Variants in FILIP1L observed in about 807,000 individuals in gnomAD.
FILIP1L encodes the protein filamin A interacting protein 1 like.
Under a neutral mutation model 96.6 loss-of-function variants are expected in FILIP1L, and 55 were observed. The observed-to-expected ratio is 0.57, with a 90% confidence interval of 0.46 to 0.71. The LOEUF (loss-of-function observed/expected upper bound fraction) is 0.71. FILIP1L is among the 30% of genes least tolerant of loss of function. The pLI, the probability that FILIP1L is intolerant of heterozygous loss-of-function variation, is 0.00. For missense variants in FILIP1L, 1,304 were observed against 1,321.2 expected, an observed-to-expected ratio of 0.99 and a Z score of 0.20; for synonymous variants, 467 against 473.9, an observed-to-expected ratio of 0.99 and a Z score of 0.19.
chr3:99,959,046 G>A (rs1247738791), intron 1 of FILIP1L, among the ~76,000 whole-genome samples: 1 of 152,064 alleles, frequency 6.6e-6, no homozygotes, highest in Non-Finnish European at 1.5e-5. Flanking sequence ...ATTGAAATAG[G>A]TTATAAATGT....
At chr3:99,879,600 T>C (rs563970908) in intron 4 of FILIP1L, among the ~76,000 whole-genome samples, 25 of 152,328 alleles carry the variant, frequency 1.6e-4, no homozygotes, top group Admixed American at 3.9e-4. Context: ...AAAGAAGCAG[T>C]AATTAATAGG....
chr3:99,999,417 G>A (rs192005098), intron 1 of FILIP1L, among the ~76,000 whole-genome samples: 1 of 152,162 alleles, frequency 6.6e-6, no homozygotes, highest in South Asian at 2.1e-4. Flanking sequence ...TGGATGGATG[G>A]GTGGGTGAGT....
chr3:100,074,056 G>A (rs559554945), intron 1 of FILIP1L, among the ~76,000 whole-genome samples: 1 of 152,214 alleles, frequency 6.6e-6, no homozygotes, highest in South Asian at 2.1e-4. Context: ...GAAAAGGTTT[G>A]TGGGGGCCTT....
chr3:99,969,538 A>G (rs1220383132), intron 1 of FILIP1L, among the ~76,000 whole-genome samples: 2 of 152,208 alleles, frequency 1.3e-5, no homozygotes, highest in Admixed American at 6.5e-5. Flanking sequence ...TAGTGAAAGA[A>G]TGGTTGAAGT....
intron 1 of FILIP1L, among the ~76,000 whole-genome samples, chr3:100,030,781 C>G (rs923786853): frequency 6.6e-6 from 1 of 152,076 alleles, no homozygotes; most frequent in Non-Finnish European, 1.5e-5. Flanking sequence ...ATCCGTTTTC[C>G]CTCCCTGTAG....
chr3:100,045,167 G>C (rs1412764286), intron 1 of FILIP1L, among the ~76,000 whole-genome samples: 2 of 152,224 alleles, frequency 1.3e-5, no homozygotes, highest in African/African-American at 4.8e-5. Flanking sequence ...TATATTTAAA[G>C]CTGCGAATAT....
At chr3:99,879,584 A>C (rs1186199527) in intron 4 of FILIP1L, among the ~76,000 whole-genome samples, 1 of 152,154 alleles carries the variant, frequency 6.6e-6, no homozygotes, top group Non-Finnish European at 1.5e-5. Context: ...AAGTATAGTA[A>C]GTGCCAAAGA....
chr3:99,924,309 C>T lies in FILIP1L; in HGVS notation c.526G>A (p.Glu176Lys), dbSNP rs763232367. 8.7e-6 allele frequency: 14 copies of T among 1,614,022 alleles called. No homozygotes were observed. The South Asian group carries it at 1.4e-4, about 16-fold the overall frequency. Reference protein sequence around the residue: ...KSRRQTILELEEEKRKHKEYM... With the variant: ...KSRRQTILELKEEKRKHKEYM... ...TCTTTATGTTTTCTCTTTTCTTCCT[C>T]CAACTCCAATATGGTTTGCCTACGG... Residue 176 changes from glutamate (E) to lysine (K), a missense_variant, in exon 4 of 6, where the codon GAG becomes AAG. Transcript: ENST00000477258.
Position 99,945,537 on chromosome 3 carries a change from T to A in FILIP1L, c.-10-14507A>T, listed in dbSNP as rs145491482. On this transcript the variant is annotated intron_variant, in intron 1 of 5. Coordinates refer to ENST00000477258, the MANE Select transcript of FILIP1L (RefSeq NM_001387850.1). The stretch of plus-strand genomic sequence containing the variant: ...TAAATGGATGTCAGAAGCTTACAAT[T>A]AAGGAGGGAAACAAAGAATCATTAC... Among the ~76,000 whole-genome samples the A allele has an allele frequency of 1.2e-3, 180 of 152,296 alleles. 7 individuals are homozygous for A. In the East Asian group the frequency reaches 0.032, roughly 27 times the overall value.
intron 1 of FILIP1L, among the ~76,000 whole-genome samples, chr3:99,962,030 G>A (rs6803204): frequency 0.73 from 111,670 of 151,980 alleles, 41,734 homozygotes; most frequent in African/African-American, 0.88. Context: ...AGGGATGTCG[G>A]GGAAATTTTT....
chr3:99,923,110 C>T (rs535187889), intron 4 of FILIP1L, among the ~76,000 whole-genome samples: 3 of 151,700 alleles, frequency 2.0e-5, no homozygotes, highest in Admixed American at 2.0e-4. Context: ...TTTTTAGCTT[C>T]CATTTTCAAC....
At chr3:99,925,807 A>G (rs996068332) in intron 3 of FILIP1L, 2 of 979,684 alleles carry the variant, frequency 2.0e-6, no homozygotes, top group Non-Finnish European at 2.4e-6. Flanking sequence ...AGAACATGCC[A>G]GTGGCCAAAA....
At chr3:100,021,960 T>TGTGTGAGAGAGA (rs1321185364) in intron 1 of FILIP1L, among the ~76,000 whole-genome samples, 17 of 93,330 alleles carry the variant, frequency 1.8e-4, no homozygotes, top group African/African-American at 4.4e-4. Context: ...TGTGTGTGTG[T>TGTGTGAGAGAGA]GAGAGAGAGA....
intron 1 of FILIP1L, among the ~76,000 whole-genome samples, chr3:100,110,598 G>A (rs968090972): frequency 4.6e-5 from 7 of 152,142 alleles, no homozygotes; most frequent in African/African-American, 4.8e-5. Context: ...AAATAAAGTC[G>A]TGTATTTGCT....
At chr3:99,982,091 G>A (rs1709141344) in intron 1 of FILIP1L, among the ~76,000 whole-genome samples, 1 of 152,050 alleles carries the variant, frequency 6.6e-6, no homozygotes, top group African/African-American at 2.4e-5. Context: ...TGTGACGGTT[G>A]TTAGTCTTGG....
chr3:99,978,974 CAG>C (rs888831997), intron 1 of FILIP1L, among the ~76,000 whole-genome samples: 6 of 152,074 alleles, frequency 3.9e-5, no homozygotes, highest in African/African-American at 1.4e-4. Flanking sequence ...GGTTGGTTAA[CAG>C]ATACAAAATT....
chr3:100,083,260 C>T (rs918817958), intron 1 of FILIP1L, among the ~76,000 whole-genome samples: 4 of 152,128 alleles, frequency 2.6e-5, no homozygotes, highest in African/African-American at 7.2e-5. Context: ...GGCTTGCTTG[C>T]GCCTGTAATT....
intron 1 of FILIP1L, among the ~76,000 whole-genome samples, chr3:100,007,800 G>T (rs1405549594): frequency 6.6e-6 from 1 of 152,170 alleles, no homozygotes; most frequent in African/African-American, 2.4e-5. Context: ...GTTATCTAGT[G>T]GTAACAGGGA....
intron 1 of FILIP1L, among the ~76,000 whole-genome samples, chr3:100,030,281 A>G (rs1415370676): frequency 6.6e-6 from 1 of 152,104 alleles, no homozygotes; most frequent in Non-Finnish European, 1.5e-5. Flanking sequence ...GGCTTGGATG[A>G]GAAAGGGATC....
Sources: gnomAD v4.1 joint callset for allele counts (sites outside exome capture counted in the v4.1 genomes callset) on GRCh38, gnomAD v4.1.1 for gene constraint, MANE v1.5 for transcripts, NCBI Gene and HGNC (gene_info 2026-07-23, HGNC 2026-07-21) for gene names.